Variants in FRAS1 observed in about 807,000 individuals in gnomAD.
FRAS1 encodes Fraser extracellular matrix complex subunit 1.
In FRAS1, 290 loss-of-function variants were observed where a neutral mutation model predicts 435.2. That is an observed-to-expected ratio of 0.67 (90% CI 0.61 to 0.73). The LOEUF (loss-of-function observed/expected upper bound fraction) is 0.73. Ranked by LOEUF, FRAS1 falls within the 30% of genes least tolerant of loss-of-function variation. The pLI is 0.00. For synonymous variants in FRAS1, 1,800 were observed against 1,851.0 expected, an observed-to-expected ratio of 0.97 and a Z score of 0.71; for missense variants, 4,860 against 5,001.5, an observed-to-expected ratio of 0.97 and a Z score of 0.85.
intron 48 of FRAS1, 36 bp downstream of exon 48, chr4:78,464,181 T>A: frequency 6.3e-7 from 1 of 1,585,634 alleles, no homozygotes. Flanking sequence ...TTGAAAAGTA[T>A]TGATTCCTCG....
At chr4:78,186,543 T>C (rs1253826077) in intron 2 of FRAS1, among the ~76,000 whole-genome samples, 1 of 152,190 alleles carries the variant, frequency 6.6e-6, no homozygotes, top group Admixed American at 6.5e-5. Flanking sequence ...CATTGTTTTA[T>C]ATAGATATAG....
Position 78,286,470 on chromosome 4 carries a change from C to T in FRAS1, c.1465C>T (p.Leu489=). 6.2e-7 allele frequency: 1 copy of T among 1,613,784 alleles called. No homozygotes were observed. Among genetic ancestry groups the T allele is most frequent in the Non-Finnish European group, 8.5e-7 (1 of 1,179,878 alleles). Reference sequence around the variant, plus strand: ...GTGCTCATCCTGCCAGCCTCCCCTGCTGATGCGGCACGGGCAGTGTGTGCC... The same window carrying T: ...GTGCTCATCCTGCCAGCCTCCCCTGTTGATGCGGCACGGGCAGTGTGTGCC... ...LECSSCQPPL[L]MRHGQCVPTC... is the part of the protein sequence containing the mutation. The change falls in exon 14 of 74, where the codon CTG becomes TTG. Residue 489 remains leucine (L), a synonymous_variant. Transcript: ENST00000512123.
intron 47 of FRAS1, among the ~76,000 whole-genome samples, chr4:78,456,432 G>A (rs575811941): frequency 6.6e-6 from 1 of 152,272 alleles, no homozygotes; most frequent in East Asian, 1.9e-4. Context: ...CATGAGCCAT[G>A]TACCAGGCCT....
intron 2 of FRAS1, among the ~76,000 whole-genome samples, chr4:78,137,004 C>A (rs1719946778): frequency 6.6e-6 from 1 of 152,224 alleles, no homozygotes; most frequent in Non-Finnish European, 1.5e-5. Context: ...GGGCCTGAGG[C>A]CACTGGCACT....
chr4:78,159,896 A>G (rs28728167), intron 2 of FRAS1, among the ~76,000 whole-genome samples: 7,620 of 152,190 alleles, frequency 0.05, 256 homozygotes, highest in Admixed American at 0.083. Context: ...AACAAAACAA[A>G]AACAAACCAA....
At chr4:78,396,803 G>A (rs28871899) in intron 29 of FRAS1, among the ~76,000 whole-genome samples, 21,124 of 152,174 alleles carry the variant, frequency 0.14, 1,855 homozygotes, top group African/African-American at 0.25. Flanking sequence ...GTTTGCTGTT[G>A]AAGTGTTCTA....
chr4:78,160,114 G>T (rs1721075769), intron 2 of FRAS1, among the ~76,000 whole-genome samples: 1 of 152,126 alleles, frequency 6.6e-6, no homozygotes, highest in Admixed American at 6.5e-5. Flanking sequence ...TGTGATTTGT[G>T]ATTTTATAGT....
chr4:78,309,054 G>A (rs1446339157), intron 15 of FRAS1, among the ~76,000 whole-genome samples: 1 of 152,150 alleles, frequency 6.6e-6, no homozygotes, highest in Non-Finnish European at 1.5e-5. Context: ...CCTTATATGA[G>A]GGAGGCAACA....
intron 20 of FRAS1, among the ~76,000 whole-genome samples, chr4:78,358,915 T>A (rs1578271759): frequency 6.6e-6 from 1 of 152,226 alleles, no homozygotes; most frequent in South Asian, 2.1e-4. Flanking sequence ...AAAAAGGTAC[T>A]ATAGTGTCCA....
At position 78,475,382 on chromosome 4, in the gene FRAS1, T is replaced by A. The variant is rs61161063; in HGVS notation, c.7683-56T>A. ...TGGAAGAGACAGGCATTAAACAAGT[T>A]GTTTTTTCATAACCATGGGGCATAG... On this transcript the variant is annotated intron_variant, in intron 53 of 73. Coordinates refer to ENST00000512123, the MANE Select transcript of FRAS1 (RefSeq NM_025074.7). 3,021 of 1,597,464 alleles carry A rather than the reference T, an allele frequency of 1.9e-3. 54 individuals are homozygous for A. In the African/African-American group the frequency reaches 0.036, roughly 19 times the overall value.
chr4:78,267,124 T>A (rs1275550461), intron 8 of FRAS1, 117 bp from the exon 9 acceptor site: 1 of 1,082,970 alleles, frequency 9.2e-7, no homozygotes, highest in African/African-American at 1.6e-5. Flanking sequence ...CCATCGTGGG[T>A]CGGGCCAGAG....
intron 69 of FRAS1, among the ~76,000 whole-genome samples, chr4:78,526,340 T>G (rs986593632): frequency 6.6e-6 from 1 of 152,238 alleles, no homozygotes; most frequent in Admixed American, 6.5e-5. Context: ...GTAGCTCTAT[T>G]TAACACCTCT....
chr4:78,146,407 C>A (rs1443905744), intron 2 of FRAS1, among the ~76,000 whole-genome samples: 1 of 152,086 alleles, frequency 6.6e-6, no homozygotes, highest in Non-Finnish European at 1.5e-5. Flanking sequence ...TATGCACATA[C>A]CCCATGCATC....
intron 48 of FRAS1, 84 bp downstream of exon 48, chr4:78,464,229 A>C: frequency 1.3e-6 from 2 of 1,491,934 alleles, no homozygotes; most frequent in Non-Finnish European, 9.0e-7. Context: ...GTGACTGGTG[A>C]GAGAAGAGCT....
At chr4:78,113,098 A>C (rs113962568) in intron 2 of FRAS1, among the ~76,000 whole-genome samples, 9,546 of 152,066 alleles carry the variant, frequency 0.063, 813 homozygotes, top group African/African-American at 0.19. Flanking sequence ...CATCCTTGCG[A>C]TAGTTTGCTG....
chr4:78,244,735 C>G (rs538490408), intron 3 of FRAS1, among the ~76,000 whole-genome samples: 1 of 152,274 alleles, frequency 6.6e-6, no homozygotes, highest in South Asian at 2.1e-4. Context: ...TATATGATAC[C>G]TCTGCAGAGA....
At chr4:78,209,732 A>G (rs183678950) in intron 2 of FRAS1, among the ~76,000 whole-genome samples, 24 of 152,252 alleles carry the variant, frequency 1.6e-4, no homozygotes, top group African/African-American at 5.8e-4. Context: ...TAACTTATCT[A>G]TTATTGAAAG....
intron 68 of FRAS1, 65 bp downstream of exon 68, chr4:78,521,695 T>A (rs1721392219): frequency 2.0e-6 from 2 of 1,018,278 alleles, no homozygotes; most frequent in East Asian, 4.9e-5. Flanking sequence ...ATACAGAAAG[T>A]TGAAAGAATA....
chr4:78,374,656 G>C (rs939419238), intron 25 of FRAS1, among the ~76,000 whole-genome samples: 1 of 152,114 alleles, frequency 6.6e-6, no homozygotes, highest in African/African-American at 2.4e-5. Context: ...TGGGATTTTT[G>C]GGGACAATTC....
Sources: allele counts gnomAD v4.1 joint callset (sites outside exome capture counted in the v4.1 genomes callset), GRCh38; gene constraint gnomAD v4.1.1; transcripts MANE v1.5; gene names NCBI Gene and HGNC (gene_info 2026-07-23, HGNC 2026-07-21).